SORCS1: variants seen among roughly 807,000 people sequenced by gnomAD.
SORCS1 encodes the protein VPS10 domain-containing receptor SorCS1.
SORCS1 carries 60 observed loss-of-function variants against 146.1 expected under a neutral mutation model. The ratio of observed to expected loss-of-function variants is 0.41; its 90% CI spans 0.33 to 0.51. SORCS1 has a LOEUF of 0.51. Ranked by LOEUF, SORCS1 falls within the 20% of genes least tolerant of loss-of-function variation. The pLI is 0.21. For synonymous variants in SORCS1, 637 were observed against 584.0 expected (o/e 1.09, Z -1.31); for missense variants, 1,352 against 1,487.6 (o/e 0.91, Z 1.50).
intron 8 of SORCS1, among the ~76,000 whole-genome samples, chr10:106,705,941 A>G (rs1368217179): frequency 1.3e-5 from 2 of 152,224 alleles, no homozygotes; most frequent in Non-Finnish European, 2.9e-5. Flanking sequence ...TCATAAGTTT[A>G]CAGGGAGCTG....
chr10:106,821,125 G>A (rs1948001466), intron 3 of SORCS1, among the ~76,000 whole-genome samples: 1 of 152,184 alleles, frequency 6.6e-6, no homozygotes, highest in East Asian at 1.9e-4. Flanking sequence ...GTTTCCTTTT[G>A]TATTTGAGAA....
intron 1 of SORCS1, among the ~76,000 whole-genome samples, chr10:107,047,551 A>G (rs1297607740): frequency 6.6e-6 from 1 of 152,200 alleles, no homozygotes; most frequent in Non-Finnish European, 1.5e-5. Flanking sequence ...AGTACTTTAC[A>G]TATTTTTGTT....
intron 1 of SORCS1, among the ~76,000 whole-genome samples, chr10:106,999,494 A>G (rs1430341979): frequency 6.6e-6 from 1 of 152,238 alleles, no homozygotes; most frequent in Non-Finnish European, 1.5e-5. Context: ...TCATTTAAGA[A>G]AACGTGCTTA....
intron 17 of SORCS1, among the ~76,000 whole-genome samples, chr10:106,660,360 C>A (rs890639916): frequency 1.3e-5 from 2 of 152,104 alleles, no homozygotes; most frequent in Admixed American, 6.6e-5. Flanking sequence ...CCATCATATC[C>A]ATCACCTCAA....
chr10:107,108,235 T>C (rs1965434825), intron 1 of SORCS1, among the ~76,000 whole-genome samples: 1 of 152,230 alleles, frequency 6.6e-6, no homozygotes, highest in African/African-American at 2.4e-5. Context: ...TTGCATGTAC[T>C]GGGCTGTCCT....
chr10:106,690,362 A>T (rs1206946802), intron 9 of SORCS1, among the ~76,000 whole-genome samples: 1 of 152,244 alleles, frequency 6.6e-6, no homozygotes, highest in East Asian at 1.9e-4. Flanking sequence ...TAGCCATTCA[A>T]CACTCTAAAG....
At chr10:106,811,074 G>A (rs1382536221) in intron 3 of SORCS1, among the ~76,000 whole-genome samples, 3 of 151,852 alleles carry the variant, frequency 2.0e-5, no homozygotes, top group East Asian at 1.9e-4. Flanking sequence ...CAAGTAGCTG[G>A]GATTACAGGC....
rs1197241450 is a variant in SORCS1 at position 106,575,626 on chromosome 10, T to C, written c.*1794A>G. The C allele has an allele frequency of 6.7e-6, 1 of 149,740 alleles. No homozygotes were observed. The allele number at this position is 149,740 out of a possible 1,614,324, so 9.3% of individuals were successfully genotyped here. On this transcript the variant is annotated 3_prime_UTR_variant, in exon 26 of 26. Transcript: ENST00000263054. The stretch of plus-strand genomic sequence containing the variant: ...GTTTCTTCATGCTTTGTGCCAATCT[T>C]TTTTGCCAATCAGTAACTCTCCTCC...
rs867094757 is a variant in SORCS1 at position 106,816,566 on chromosome 10, T to C, written c.726+13008A>G. Among the ~76,000 whole-genome samples the C allele has an allele frequency of 1.8e-4, 27 of 152,350 alleles. No homozygotes were observed. The Middle Eastern group carries it at 0.02, about 115-fold the overall frequency. On this transcript the variant is annotated intron_variant, in intron 3 of 25. Transcript: ENST00000263054. ...GTAATTAGAGAGCTCTGCTGTTTTT[T>C]GAAGCTGGGATAATCCTACAGGCAA...
chr10:107,007,769 A>G (rs1008837844), intron 1 of SORCS1, among the ~76,000 whole-genome samples: 6 of 152,324 alleles, frequency 3.9e-5, no homozygotes, highest in East Asian at 3.9e-4. Context: ...CACTAACTAC[A>G]CTTCAGCACC....
intron 2 of SORCS1, among the ~76,000 whole-genome samples, chr10:106,941,997 T>C (rs1954068364): frequency 6.6e-6 from 1 of 152,174 alleles, no homozygotes; most frequent in Non-Finnish European, 1.5e-5. Flanking sequence ...AACTCAGGGA[T>C]GTGGGGGGAA....
At chr10:107,014,128 T>C (rs2139769217) in intron 1 of SORCS1, among the ~76,000 whole-genome samples, 1 of 152,104 alleles carries the variant, frequency 6.6e-6, no homozygotes, top group South Asian at 2.1e-4. Flanking sequence ...GGCGCATGCC[T>C]GTAGTCCCAG....
At chr10:106,970,721 G>C (rs1457225069) in intron 1 of SORCS1, among the ~76,000 whole-genome samples, 4 of 151,384 alleles carry the variant, frequency 2.6e-5, no homozygotes, top group Non-Finnish European at 5.9e-5. Flanking sequence ...AGACCGCAAT[G>C]CTTCTGACAA....
intron 3 of SORCS1, among the ~76,000 whole-genome samples, chr10:106,803,347 T>C (rs541965169): frequency 6.6e-6 from 1 of 152,328 alleles, no homozygotes; most frequent in Non-Finnish European, 1.5e-5. Context: ...CACACACTTA[T>C]ATGGAAAACA....
the SORCS1 span, among the ~76,000 whole-genome samples, chr10:107,175,712 T>C: frequency 1.3e-5 from 2 of 152,160 alleles, no homozygotes; most frequent in South Asian, 2.1e-4. Flanking sequence ...CTGGGGATTA[T>C]TGGTGTGAGC....
intron 2 of SORCS1, among the ~76,000 whole-genome samples, chr10:106,941,074 T>C (rs1954019216): frequency 6.6e-6 from 1 of 152,172 alleles, no homozygotes; most frequent in Non-Finnish European, 1.5e-5. Context: ...TTTCCACGTC[T>C]ACAAAAAGGG....
At chr10:106,593,227 C>T (rs1306000115) in intron 24 of SORCS1, among the ~76,000 whole-genome samples, 1 of 150,936 alleles carries the variant, frequency 6.6e-6, no homozygotes, top group Non-Finnish European at 1.5e-5. Flanking sequence ...AGGGGGAATT[C>T]CCTCCACTGT....
Position 106,620,420 on chromosome 10 carries a change from G to T in SORCS1, c.2796+8C>A. 1 of 1,610,130 alleles carries T rather than the reference G, an allele frequency of 6.2e-7. No individual in the cohort carries two copies. The highest frequency in any genetic ancestry group is 2.2e-5 in the East Asian group (1 of 44,758). On this transcript the variant is annotated splice_region_variant and intron_variant, in intron 20 of 25. Transcript: ENST00000263054. ...TGTCCCTAGATCGCATGTGGAAGGT[G>T]AACCCACCTCCGTGTTGTTTCCGTA...
At chr10:107,033,035 A>G (rs562582281) in intron 1 of SORCS1, among the ~76,000 whole-genome samples, 4 of 152,324 alleles carry the variant, frequency 2.6e-5, no homozygotes, top group Admixed American at 1.3e-4. Context: ...GAGACTAGAT[A>G]ATTTATGAAG....
Sources: gnomAD v4.1 joint callset for allele counts (sites outside exome capture counted in the v4.1 genomes callset) on GRCh38, gnomAD v4.1.1 for gene constraint, MANE v1.5 for transcripts, NCBI Gene and HGNC (gene_info 2026-07-23, HGNC 2026-07-21) for gene names.